DNAH8: variants seen among roughly 807,000 people sequenced by gnomAD.
DNAH8 encodes the protein dynein axonemal heavy chain 8, also known as axonemal beta dynein heavy chain 8.
DNAH8 carries 382 observed loss-of-function variants against 562.1 expected under a neutral mutation model. The observed-to-expected ratio is 0.68, with a 90% CI of 0.63 to 0.74. DNAH8 has a LOEUF of 0.74. Among genes scored for constraint, DNAH8 ranks in the 30% least tolerant of loss-of-function variants. The pLI is 0.00. For synonymous variants in DNAH8, 1,881 were observed against 1,919.4 expected (o/e 0.98, Z 0.52); for missense variants, 5,203 against 5,620.4 (o/e 0.93, Z 2.37).
intron 82 of DNAH8, among the ~76,000 whole-genome samples, chr6:38,955,954 C>T (rs1762216409): frequency 6.6e-6 from 1 of 152,230 alleles, no homozygotes; most frequent in Non-Finnish European, 1.5e-5. Flanking sequence ...AGGAGTTTGG[C>T]TATAGCCCTT....
chr6:38,863,513 CAA>C (rs1776802126), intron 44 of DNAH8, among the ~76,000 whole-genome samples: 1 of 152,060 alleles, frequency 6.6e-6, no homozygotes, highest in African/African-American at 2.4e-5. Flanking sequence ...ACAACAACAA[CAA>C]CAACAACAAA....
intron 88 of DNAH8, among the ~76,000 whole-genome samples, chr6:38,993,696 C>T (rs1409255657): frequency 6.6e-6 from 1 of 152,000 alleles, no homozygotes; most frequent in Non-Finnish European, 1.5e-5. Flanking sequence ...TTGTGTCTTG[C>T]TTTTTTCTCT....
intron 35 of DNAH8, among the ~76,000 whole-genome samples, chr6:38,844,128 C>T (rs1374281625): frequency 1.3e-5 from 2 of 152,036 alleles, no homozygotes; most frequent in Admixed American, 6.5e-5. Context: ...GAATGGAGGG[C>T]TTTAGACCCC....
chr6:38,842,597 T>C, intron 34 of DNAH8, 66 bp from the exon 35 acceptor site: 4 of 1,587,604 alleles, frequency 2.5e-6, no homozygotes, highest in Non-Finnish European at 3.4e-6. Flanking sequence ...TAATAGTGTA[T>C]ATACATAAAA....
At chr6:38,998,101 G>C (rs964611327) in intron 88 of DNAH8, among the ~76,000 whole-genome samples, 1 of 152,164 alleles carries the variant, frequency 6.6e-6, no homozygotes, top group Non-Finnish European at 1.5e-5. Context: ...TGGAGAACTC[G>C]ATGCCCCCTG....
At position 38,761,717 on chromosome 6, in the gene DNAH8, G is replaced by T; in HGVS notation, c.1531G>T (p.Val511Leu). ...TTTATTTCAGGTAACAAATCAAATG[G>T]TAACAGCATGTAAAGCATATATTAC... The part of the protein sequence containing the change: ...SLFIKVTNQM[V>L]TACKAYITDG... The change falls in exon 11 of 93, where the codon GTA (valine) becomes TTA (leucine). Residue 511 changes from valine (V) to leucine (L), a missense_variant. This residue lies in a region of DNAH8 where 2,176 missense variants were observed against 2,365.1 expected (regional missense o/e 0.92). Coordinates refer to ENST00000327475, the MANE Select transcript of DNAH8 (RefSeq NM_001206927.2). 1 of 1,527,956 alleles carries T rather than the reference G, an allele frequency of 6.5e-7. No homozygotes were observed. Among genetic ancestry groups the T allele is most frequent in the South Asian group, 1.3e-5 (1 of 79,790 alleles). 94.6% of individuals were successfully genotyped at this position (1,527,956 alleles called of 1,614,324 possible). A position where few individuals can be genotyped will look rare whatever the true frequency, so the allele number is the denominator to read the frequency against.
chr6:39,009,150 T>A (rs1370192565), intron 89 of DNAH8, among the ~76,000 whole-genome samples, 180 bp downstream of exon 89: 1 of 152,176 alleles, frequency 6.6e-6, no homozygotes, highest in Non-Finnish European at 1.5e-5. Context: ...AGTTCTCTCT[T>A]CAAAACTTAA....
chr6:38,743,007 C>CTTTTTTTTT (rs11340457), intron 8 of DNAH8, among the ~76,000 whole-genome samples: 1,580 of 52,018 alleles, frequency 0.03, 82 homozygotes, highest in South Asian at 0.047. Context: ...TGTTGTTGTG[C>CTTTTTTTTT]TTTTTTTTTT....
At chr6:38,955,737 T>A (rs1346189026) in intron 82 of DNAH8, among the ~76,000 whole-genome samples, 1 of 152,188 alleles carries the variant, frequency 6.6e-6, no homozygotes. Flanking sequence ...TATCCCTCCC[T>A]CATATCCCAC....
intron 87 of DNAH8, among the ~76,000 whole-genome samples, chr6:38,987,838 A>G (rs899071893): frequency 6.6e-5 from 10 of 152,158 alleles, no homozygotes; most frequent in African/African-American, 2.2e-4. Context: ...TCAGATGGTC[A>G]TCAATAACCA....
Position 38,723,615 on chromosome 6 carries a change from C to A in DNAH8, c.525+144C>A, listed in dbSNP as rs9357279. On this transcript the variant is annotated intron_variant, in intron 3 of 92. Transcript: ENST00000327475. ...TGGGGCAGGGCACAGTGGCTCATGC[C>A]TGTAATCCCAGCACTTTGGGAGGCT... 0.56 allele frequency: 571,121 copies of A among 1,028,606 alleles called. 164,810 individuals carry two copies. Among genetic ancestry groups the A allele is most frequent in the East Asian group, 0.94 (37,236 of 39,622 alleles). 63.7% of individuals were successfully genotyped at this position (1,028,606 alleles called of 1,614,324 possible).
chr6:38,802,538 A>C (rs1451673060), intron 21 of DNAH8, among the ~76,000 whole-genome samples: 1 of 152,222 alleles, frequency 6.6e-6, no homozygotes, highest in Admixed American at 6.5e-5. Flanking sequence ...CTAGTAGAAG[A>C]GTTTAGAAAG....
chr6:38,876,923 GC>G (rs1161626593), intron 53 of DNAH8, among the ~76,000 whole-genome samples: 2 of 152,172 alleles, frequency 1.3e-5, no homozygotes, highest in Non-Finnish European at 2.9e-5. Flanking sequence ...TTTTCAGTGG[GC>G]CATCTTTAAC....
intron 26 of DNAH8, among the ~76,000 whole-genome samples, chr6:38,818,818 C>T (rs1373543667): frequency 6.6e-6 from 1 of 152,190 alleles, no homozygotes; most frequent in African/African-American, 2.4e-5. Flanking sequence ...TCACCATGTG[C>T]TGATGAAGTT....
intron 8 of DNAH8, among the ~76,000 whole-genome samples, chr6:38,745,271 T>C (rs1764835891): frequency 6.6e-6 from 1 of 152,212 alleles, no homozygotes; most frequent in Admixed American, 6.5e-5. Flanking sequence ...TGTGATGTAA[T>C]AAAATCCTTG....
At chr6:38,914,044 T>A in intron 67 of DNAH8, 92 bp downstream of exon 67, 1 of 943,956 alleles carries the variant, frequency 1.1e-6, no homozygotes, top group Non-Finnish European at 1.7e-6. Context: ...AAGCAGGGTA[T>A]AAACCCATGG....
chr6:38,892,141 C>T (rs1452407372), intron 58 of DNAH8, among the ~76,000 whole-genome samples: 2 of 152,144 alleles, frequency 1.3e-5, no homozygotes, highest in Non-Finnish European at 2.9e-5. Context: ...TCTTTCCCTC[C>T]TCTAAACACT....
intron 29 of DNAH8, among the ~76,000 whole-genome samples, chr6:38,827,214 T>G (rs777905567): frequency 1.1e-4 from 16 of 152,180 alleles, no homozygotes; most frequent in Admixed American, 6.5e-5. Context: ...TGTGATTACA[T>G]CAGGCCCGCC....
At chr6:38,766,575 C>T (rs1361364176) in intron 11 of DNAH8, among the ~76,000 whole-genome samples, 1 of 152,152 alleles carries the variant, frequency 6.6e-6, no homozygotes, top group Non-Finnish European at 1.5e-5. Context: ...CAACCTCCGC[C>T]TCCTGGGCTC....
Sources: gnomAD v4.1 joint callset for allele counts (sites outside exome capture counted in the v4.1 genomes callset) on GRCh38, gnomAD v4.1.1 for gene constraint, gnomAD v4.1.1 regional missense constraint, MANE v1.5 for transcripts, NCBI Gene and HGNC (gene_info 2026-07-23, HGNC 2026-07-21) for gene names.